GSDMC: variants seen among roughly 807,000 people sequenced by gnomAD.
GSDMC encodes gasdermin C.
GSDMC carries 59 observed loss-of-function variants against 58.0 expected under a neutral mutation model. The ratio of observed to expected loss-of-function variants is 1.02; its 90% confidence interval spans 0.82 to 1.26. The LOEUF is 1.26. GSDMC is among the 50% of genes most tolerant of loss of function. GSDMC has a pLI of 0.00. For missense variants in GSDMC, 659 were observed against 598.5 expected (o/e 1.10, Z -1.06); for synonymous variants, 241 against 220.2 (o/e 1.09, Z -0.83).
intron 8 of GSDMC, 85 bp downstream of exon 8, chr8:129,752,021 G>T: frequency 6.8e-7 from 1 of 1,472,422 alleles, no homozygotes; most frequent in Non-Finnish European, 9.5e-7. Context: ...CAGACCCCAA[G>T]ACTTTGGGTA....
At chr8:129,727,348 A>G in the GSDMC span, among the ~76,000 whole-genome samples, 2 of 152,210 alleles carry the variant, frequency 1.3e-5, no homozygotes, top group Non-Finnish European at 2.9e-5. Flanking sequence ...GCTTAATTCA[A>G]GAAGGAAAAT....
chr8:129,767,632 C>A (rs929720087), intron 3 of GSDMC, among the ~76,000 whole-genome samples: 1 of 152,192 alleles, frequency 6.6e-6, no homozygotes, highest in Non-Finnish European at 1.5e-5. Context: ...GTAGCCCTAC[C>A]TGGATCAAGT....
the GSDMC span, among the ~76,000 whole-genome samples, chr8:129,727,230 T>C: frequency 6.6e-6 from 1 of 152,164 alleles, no homozygotes; most frequent in African/African-American, 2.4e-5. Context: ...ATAACTTATG[T>C]CCTTATAAGA....
intron 4 of GSDMC, among the ~76,000 whole-genome samples, chr8:129,765,314 C>A (rs746287738): frequency 6.6e-6 from 1 of 152,154 alleles, no homozygotes; most frequent in Non-Finnish European, 1.5e-5. Flanking sequence ...GTATATAACA[C>A]AGTGGCCACT....
intron 1 of GSDMC, among the ~76,000 whole-genome samples, chr8:129,778,024 G>A (rs1404731389): frequency 6.6e-6 from 1 of 152,174 alleles, no homozygotes; most frequent in African/African-American, 2.4e-5. Context: ...CAGGAAGAAG[G>A]AAGGGCTCAA....
At chr8:129,717,807 T>G in the GSDMC span, among the ~76,000 whole-genome samples, 1 of 152,146 alleles carries the variant, frequency 6.6e-6, no homozygotes, top group Admixed American at 6.5e-5. Flanking sequence ...AGTATAGTAC[T>G]GGTACCAAAA....
intron 1 of GSDMC, among the ~76,000 whole-genome samples, chr8:129,778,607 A>C (rs2034317069): frequency 6.6e-6 from 1 of 152,216 alleles, no homozygotes; most frequent in Non-Finnish European, 1.5e-5. Flanking sequence ...AAAATTGATA[A>C]ATGAGATCTA....
intron 4 of GSDMC, among the ~76,000 whole-genome samples, chr8:129,764,786 G>C (rs546509329): frequency 1.3e-5 from 2 of 152,230 alleles, no homozygotes; most frequent in Non-Finnish European, 2.9e-5. Flanking sequence ...ATTTCCAGTC[G>C]ATATTCTTAC....
At chr8:129,745,859 T>C (rs977108803), downstream of GSDMC, among the ~76,000 whole-genome samples, 2 of 86,628 alleles carry the variant, frequency 2.3e-5, no homozygotes, top group Admixed American at 2.6e-4. Flanking sequence ...GGGGCAATCA[T>C]CCAAGACTGC....
At chr8:129,785,723 A>G (rs2034537486) in intron 1 of GSDMC, among the ~76,000 whole-genome samples, 1 of 150,158 alleles carries the variant, frequency 6.7e-6, no homozygotes. Context: ...TGACCATTTC[A>G]ATTCTCTGAT....
the GSDMC span, among the ~76,000 whole-genome samples, chr8:129,726,507 T>C: frequency 1.8e-4 from 28 of 152,304 alleles, no homozygotes; most frequent in African/African-American, 5.1e-4. Context: ...CCTTCTGGCA[T>C]ATATTGGAAA....
intron 6 of GSDMC, among the ~76,000 whole-genome samples, chr8:129,757,393 A>G (rs1359079899): frequency 6.6e-6 from 1 of 152,142 alleles, no homozygotes; most frequent in Non-Finnish European, 1.5e-5. Context: ...GAGTAATGAG[A>G]TAGAAGCTGT....
chr8:129,775,534 G>A (rs2034196759), intron 3 of GSDMC, among the ~76,000 whole-genome samples: 2 of 151,880 alleles, frequency 1.3e-5, no homozygotes, highest in African/African-American at 2.4e-5. Context: ...ATGATAACTA[G>A]GTAAAGTAAT....
intron 1 of GSDMC, among the ~76,000 whole-genome samples, chr8:129,780,276 T>A (rs1490728547): frequency 6.6e-6 from 1 of 152,028 alleles, no homozygotes; most frequent in Non-Finnish European, 1.5e-5. Context: ...AATATTCAAG[T>A]ACAAGGTACA....
the GSDMC span, among the ~76,000 whole-genome samples, chr8:129,731,426 T>G: frequency 6.6e-6 from 1 of 152,212 alleles, no homozygotes; most frequent in African/African-American, 2.4e-5. Context: ...GAGCAAAACT[T>G]GGACAGGAAC....
chr8:129,730,121 T>C, the GSDMC span: 1 of 984,856 alleles, frequency 1.0e-6, no homozygotes, highest in Non-Finnish European at 1.5e-6. Flanking sequence ...TGTTTCTGAA[T>C]GCCAACAAGA....
At chr8:129,729,707 T>C in the GSDMC span, 1 of 518,152 alleles carries the variant, frequency 1.9e-6, no homozygotes, top group Non-Finnish European at 3.4e-6. Context: ...ATCCAGTCTA[T>C]CATTGATGGA....
At chr8:129,736,742 C>A in the GSDMC span, among the ~76,000 whole-genome samples, 1 of 152,296 alleles carries the variant, frequency 6.6e-6, no homozygotes, top group African/African-American at 2.4e-5. Flanking sequence ...GACAGGGATG[C>A]CCTCTCTCAC....
chr8:129,741,720 T>C, the GSDMC span, among the ~76,000 whole-genome samples: 2 of 152,010 alleles, frequency 1.3e-5, no homozygotes, highest in Admixed American at 1.3e-4. Flanking sequence ...GAAGACAGTA[T>C]GGAGGTCCCT....
Sources: allele counts gnomAD v4.1 joint callset (sites outside exome capture counted in the v4.1 genomes callset), GRCh38; gene constraint gnomAD v4.1.1; transcripts MANE v1.5; gene names NCBI Gene and HGNC (gene_info 2026-07-23, HGNC 2026-07-21).